MOV10L1: variants seen among roughly 807,000 people sequenced by gnomAD.
The protein encoded by MOV10L1 is RNA helicase Mov10l1.
A neutral mutation model predicts 143.8 loss-of-function variants in MOV10L1; 110 were observed. The ratio of observed to expected loss-of-function variants is 0.76; its 90% CI spans 0.66 to 0.90. The LOEUF is 0.90. Among genes scored for constraint, MOV10L1 ranks in the 40% least tolerant of loss-of-function variants. MOV10L1 has a pLI of 0.00. For synonymous variants in MOV10L1, 593 were observed against 581.1 expected (o/e 1.02, Z -0.29); for missense variants, 1,406 against 1,526.8 (o/e 0.92, Z 1.32).
chr22:50,131,430 G>T (rs1342100438), intron 13 of MOV10L1, among the ~76,000 whole-genome samples: 1 of 152,154 alleles, frequency 6.6e-6, no homozygotes, highest in Non-Finnish European at 1.5e-5. Context: ...CTTTTGAAAT[G>T]CAGAAATTAT....
chr22:50,123,213 A>T (rs1163179357), intron 10 of MOV10L1, among the ~76,000 whole-genome samples: 1 of 151,972 alleles, frequency 6.6e-6, no homozygotes, highest in African/African-American at 2.4e-5. Flanking sequence ...AAAAAAAAAA[A>T]AAAAATTCAA....
chr22:50,152,715 A>G lies in MOV10L1; in HGVS notation c.2893-330A>G, dbSNP rs1468976366. On this transcript the variant is annotated intron_variant, in intron 21 of 26. Transcript: ENST00000262794. This position sits in a 1 kb window ranked among gnomAD's most constrained non-coding sequence, Gnocchi z 4.4. ...GAAGCTCTCAGCACACGAGGGAGGC[A>G]TCCACCTGCCCTCCACCCGGCTGCT... Among the ~76,000 whole-genome samples, 2 of 152,250 alleles carry G rather than the reference A, an allele frequency of 1.3e-5. No homozygotes were observed. The highest frequency in any genetic ancestry group is 1.9e-4 in the East Asian group (1 of 5,168).
chr22:50,158,075 G>A lies in MOV10L1; in HGVS notation c.3085G>A (p.Gly1029Arg). ...AACCCAGGGCAGCGAGGCACGGGAGGGAAAAAGCCCATCGTGGTTCAACCC... is the reference window on the plus strand; with the variant it reads ...AACCCAGGGCAGCGAGGCACGGGAGAGAAAAAGCCCATCGTGGTTCAACCC... ...HGVRGSEARE[G>R]KSPSWFNPAE... Residue 1029 changes from glycine (G) to arginine (R), a missense_variant, in exon 23 of 27, where the codon GGA becomes AGA. Gly to Arg is a moderately radical substitution (Grantham distance 125). Coordinates refer to ENST00000262794, the MANE Select transcript of MOV10L1 (RefSeq NM_018995.3). This position sits in a 1 kb window ranked among gnomAD's most constrained non-coding sequence, Gnocchi z 5.0. The A allele has an allele frequency of 1.2e-6, 2 of 1,613,948 alleles. No individual in the cohort carries two copies. Among genetic ancestry groups the A allele is most frequent in the Non-Finnish European group, 1.7e-6 (2 of 1,179,878 alleles).
At chr22:50,140,800 G>A (rs2062963044) in intron 15 of MOV10L1, among the ~76,000 whole-genome samples, 1 of 151,512 alleles carries the variant, frequency 6.6e-6, no homozygotes, top group Non-Finnish European at 1.5e-5. Context: ...ATGGCTCACT[G>A]CAACCTTGAC....
chr22:50,099,140 G>A (rs2062671823), intron 2 of MOV10L1, among the ~76,000 whole-genome samples: 3 of 152,198 alleles, frequency 2.0e-5, no homozygotes, highest in Non-Finnish European at 2.9e-5. Context: ...CCCAAAATAC[G>A]TATGTTGAAA....
chr22:50,116,489 G>A (rs2062181519), intron 8 of MOV10L1, among the ~76,000 whole-genome samples: 1 of 151,496 alleles, frequency 6.6e-6, no homozygotes, highest in South Asian at 2.1e-4. Context: ...AGTGTAGTGT[G>A]GATGATGTAG....
intron 15 of MOV10L1, among the ~76,000 whole-genome samples, chr22:50,141,057 T>G (rs936763984): frequency 1.3e-5 from 2 of 152,136 alleles, no homozygotes; most frequent in African/African-American, 4.8e-5. Context: ...GGATCCTTTT[T>G]TTTTTTTGTT....
rs2062679508 is a variant in MOV10L1, at chr22:50,099,426, G to A, written c.283-17G>A. 6 of 1,612,554 alleles carry A rather than the reference G, an allele frequency of 3.7e-6. No homozygotes were observed. Among genetic ancestry groups the A allele is most frequent in the Non-Finnish European group, 4.2e-6 (5 of 1,178,886 alleles). On this transcript the variant is annotated splice_polypyrimidine_tract_variant and intron_variant, in intron 2 of 26. Coordinates refer to ENST00000262794, the MANE Select transcript of MOV10L1 (RefSeq NM_018995.3). Reference sequence around the variant, plus strand: ...AGTTCTCGTATTATGGTTTAGAGCGGTGTGTTTGTTTTACAGGTAGAAGCT... The same window carrying A: ...AGTTCTCGTATTATGGTTTAGAGCGATGTGTTTGTTTTACAGGTAGAAGCT...
At chr22:50,141,389 G>A (rs1234903701) in intron 15 of MOV10L1, among the ~76,000 whole-genome samples, 3 of 151,010 alleles carry the variant, frequency 2.0e-5, no homozygotes, top group Non-Finnish European at 4.4e-5. Flanking sequence ...GGAGTTGGTC[G>A]CCCAATCTCC....
At position 50,090,083 on chromosome 22, in the gene MOV10L1, A is replaced by C. The variant is rs1381546388; in HGVS notation, c.-6A>C. The C allele has an allele frequency of 4.6e-6, 6 of 1,294,502 alleles. No individual in the cohort carries two copies. Among genetic ancestry groups the C allele is most frequent in the Non-Finnish European group, 4.9e-6 (5 of 1,020,436 alleles). 80.2% of individuals were successfully genotyped at this position (1,294,502 alleles called of 1,614,324 possible). ...CGGTGACGGCAGCCTAGGCCGGGCG[A>C]GGGCCATGCTGAGCCTCGCAGCCAA... is the stretch of plus-strand genomic sequence containing the variant. On this transcript the variant is annotated 5_prime_UTR_variant, in exon 1 of 27. Transcript: ENST00000262794.
intron 9 of MOV10L1, among the ~76,000 whole-genome samples, chr22:50,117,690 C>G (rs149139264): frequency 2.0e-5 from 3 of 152,168 alleles, no homozygotes; most frequent in East Asian, 1.9e-4. Flanking sequence ...CCCGTCCTGA[C>G]GAGGCCATGG....
intron 10 of MOV10L1, among the ~76,000 whole-genome samples, chr22:50,123,729 G>C (rs1194448865): frequency 6.6e-6 from 1 of 152,144 alleles, no homozygotes; most frequent in Non-Finnish European, 1.5e-5. Flanking sequence ...GAGAAAGATT[G>C]GTATTAGTTA....
chr22:50,120,362 C>A, intron 9 of MOV10L1, 140 bp from the exon 10 acceptor site: 1 of 613,536 alleles, frequency 1.6e-6, no homozygotes, highest in Non-Finnish European at 2.9e-6. Flanking sequence ...TGCCTTAGAC[C>A]AGCTATTCAT....
chr22:50,122,135 C>T (rs968054140), intron 10 of MOV10L1, among the ~76,000 whole-genome samples: 4 of 152,062 alleles, frequency 2.6e-5, no homozygotes, highest in Non-Finnish European at 5.9e-5. Context: ...CTGTAGATTG[C>T]GTTGGTTAGT....
At chr22:50,129,911 C>A (rs1233480147) in intron 13 of MOV10L1, among the ~76,000 whole-genome samples, 1 of 152,116 alleles carries the variant, frequency 6.6e-6, no homozygotes, top group Non-Finnish European at 1.5e-5. Context: ...TTGTGGGAGT[C>A]CTTTCTGTAT....
rs547130531 is a variant in MOV10L1 at position 50,145,712 on chromosome 22, G to A, written c.2529G>A (p.Pro843=). 36 of 1,614,044 alleles carry A rather than the reference G, an allele frequency of 2.2e-5. No homozygotes were observed. The highest frequency in any genetic ancestry group is 4.5e-5 in the East Asian group (2 of 44,886). Residue 843 remains proline, a synonymous_variant, in exon 19 of 27, where the codon CCG becomes CCA. Transcript: ENST00000262794. The part of the protein sequence containing the change: ...FEEIVIDAVK[P]YCRDGEDIWK... Reference sequence around the variant, plus strand: ...AGATAGTTATTGACGCCGTCAAACCGTATTGCAGAGACGGAGAAGACATCT... The same window carrying A: ...AGATAGTTATTGACGCCGTCAAACCATATTGCAGAGACGGAGAAGACATCT...
At chr22:50,157,254 A>G (rs1826221728) in intron 22 of MOV10L1, among the ~76,000 whole-genome samples, 1 of 149,670 alleles carries the variant, frequency 6.7e-6, no homozygotes, top group African/African-American at 2.4e-5. Flanking sequence ...CTTATATACT[A>G]TTTGCAAAGG....
Position 50,120,624 on chromosome 22 carries a change from G to C in MOV10L1, c.1569+8G>C, listed in dbSNP as rs1193749828. 3.2e-6 allele frequency: 5 copies of C among 1,575,062 alleles called. No homozygotes were observed. Among genetic ancestry groups the C allele is most frequent in the Non-Finnish European group, 3.5e-6 (4 of 1,145,384 alleles). ...CAGCCATTACTTGCAGAGGTAGGAAGTGTCTCATGGCCTGTGGGGTGTTGG... is the reference window on the plus strand; with the variant it reads ...CAGCCATTACTTGCAGAGGTAGGAACTGTCTCATGGCCTGTGGGGTGTTGG... On this transcript the variant is annotated splice_region_variant and intron_variant, in intron 10 of 26. Transcript: ENST00000262794.
chr22:50,144,587 G>GTT (rs71198224), intron 18 of MOV10L1, among the ~76,000 whole-genome samples: 49 of 148,104 alleles, frequency 3.3e-4, no homozygotes, highest in South Asian at 2.5e-3. Context: ...GTTTTGTTTT[G>GTT]TTTTTTTTTT....
Sources: allele counts gnomAD v4.1 joint callset (sites outside exome capture counted in the v4.1 genomes callset), GRCh38; gene constraint gnomAD v4.1.1; non-coding constraint Gnocchi (gnomAD v3.1); transcripts MANE v1.5; gene names NCBI Gene and HGNC (gene_info 2026-07-23, HGNC 2026-07-21).